Variants in MAP3K20 observed in about 807,000 individuals in gnomAD.
MAP3K20 encodes HCCS-4.
A neutral mutation model predicts 85.7 loss-of-function variants in MAP3K20; 40 were observed. The ratio of observed to expected loss-of-function variants is 0.47; its 90% CI spans 0.36 to 0.61. MAP3K20 has a LOEUF of 0.61. Among genes scored for constraint, MAP3K20 ranks in the 20% least tolerant of loss-of-function variants. The pLI is 0.00. For synonymous variants in MAP3K20, 325 were observed against 327.7 expected (o/e 0.99, Z 0.09); for missense variants, 817 against 961.7 (o/e 0.85, Z 1.99).
intron 2 of MAP3K20, among the ~76,000 whole-genome samples, chr2:173,168,479 G>A (rs1423649872): frequency 2.6e-5 from 4 of 151,946 alleles, no homozygotes; most frequent in Non-Finnish European, 5.9e-5. Context: ...AACCAGTTTC[G>A]CAGCTGTTTT....
intron 1 of MAP3K20, among the ~76,000 whole-genome samples, chr2:173,076,264 G>A: frequency 6.6e-6 from 1 of 151,964 alleles, no homozygotes; most frequent in East Asian, 1.9e-4. Flanking sequence ...GCCGCCAAGT[G>A]CGGTTCGGGA....
chr2:173,142,151 A>C (rs1405574418), intron 2 of MAP3K20, among the ~76,000 whole-genome samples: 1 of 152,216 alleles, frequency 6.6e-6, no homozygotes, highest in East Asian at 1.9e-4. Context: ...GTGTTATATT[A>C]TGGGTTGTAT....
At chr2:173,217,525 C>T (rs1041173775) in intron 11 of MAP3K20, among the ~76,000 whole-genome samples, 4 of 152,202 alleles carry the variant, frequency 2.6e-5, no homozygotes, top group Admixed American at 2.6e-4. Flanking sequence ...ATTAGAATTA[C>T]AATAATAAAA....
intron 3 of MAP3K20, among the ~76,000 whole-genome samples, chr2:173,177,785 A>C (rs1236477730): frequency 6.6e-6 from 1 of 152,290 alleles, no homozygotes; most frequent in East Asian, 1.9e-4. Context: ...AAAATGTAAC[A>C]TATCAAAATT....
chr2:173,193,312 T>C (rs78725856), intron 7 of MAP3K20, among the ~76,000 whole-genome samples: 2,538 of 152,256 alleles, frequency 0.017, 70 homozygotes, highest in African/African-American at 0.058. Flanking sequence ...CACTTATGAG[T>C]CCACACACAT....
intron 9 of MAP3K20, 45 bp downstream of exon 9, chr2:173,203,915 T>G: frequency 6.4e-7 from 1 of 1,557,274 alleles, no homozygotes; most frequent in Non-Finnish European, 8.8e-7. Flanking sequence ...CTGAAATTTC[T>G]CTTGTTTGGC....
chr2:173,152,386 G>C (rs1186598419), intron 2 of MAP3K20, among the ~76,000 whole-genome samples: 1 of 152,178 alleles, frequency 6.6e-6, no homozygotes, highest in Non-Finnish European at 1.5e-5. Flanking sequence ...CATGGGAAGA[G>C]TTCTACCTGG....
chr2:173,266,759 A>G lies in MAP3K20; in HGVS notation c.*9A>G, dbSNP rs1026092920. 1 of 1,438,376 alleles carries G rather than the reference A, an allele frequency of 7.0e-7. No individual in the cohort carries two copies. The highest frequency in any genetic ancestry group is 1.4e-5 in the African/African-American group (1 of 69,490). 89.1% of individuals were successfully genotyped at this position (1,438,376 alleles called of 1,614,324 possible). A position where few individuals can be genotyped will look rare whatever the true frequency, so the allele number is the denominator to read the frequency against. ...GATGGAGAAACTTTTGATGAATTGA[A>G]CTACATAGCTTTTCTAAGCAGGTTA... On this transcript the variant is annotated 3_prime_UTR_variant, in exon 20 of 20. Coordinates refer to ENST00000375213, the MANE Select transcript of MAP3K20 (RefSeq NM_016653.3).
intron 2 of MAP3K20, among the ~76,000 whole-genome samples, chr2:173,112,978 T>G (rs1354612110): frequency 6.6e-6 from 1 of 152,110 alleles, no homozygotes; most frequent in East Asian, 1.9e-4. Context: ...TGTGGAATAG[T>G]GGTCAAAAGG....
intron 10 of MAP3K20, among the ~76,000 whole-genome samples, chr2:173,215,005 T>C (rs1439977): frequency 0.56 from 84,896 of 151,990 alleles, 25,278 homozygotes; most frequent in Non-Finnish European, 0.68. Flanking sequence ...GAGATTTACT[T>C]GGTGTTTGTT....
At chr2:173,221,081 AT>A in intron 11 of MAP3K20, 3 of 1,339,632 alleles carry the variant, frequency 2.2e-6, no homozygotes, top group Non-Finnish European at 2.9e-6. Flanking sequence ...ATTTTGTGGT[AT>A]CTATTTTCCT....
At position 173,266,037 on chromosome 2, in the gene MAP3K20, A is replaced by G. The variant is rs946545215; in HGVS notation, c.1703-13A>G. Reference sequence around the variant, plus strand: ...TGTGGCTTAAAAGATGCTCATTTCCATTTCTCCCGCAGGTGCTGATTGCCA... The same window carrying G: ...TGTGGCTTAAAAGATGCTCATTTCCGTTTCTCCCGCAGGTGCTGATTGCCA... On this transcript the variant is annotated splice_polypyrimidine_tract_variant and intron_variant, in intron 19 of 19. Coordinates refer to ENST00000375213, the MANE Select transcript of MAP3K20 (RefSeq NM_016653.3). 4 of 1,549,200 alleles carry G rather than the reference A, an allele frequency of 2.6e-6. No individual in the cohort carries two copies. The highest frequency in any genetic ancestry group is 1.2e-5 in the South Asian group (1 of 84,416).
intron 19 of MAP3K20, among the ~76,000 whole-genome samples, chr2:173,265,293 G>C (rs768847742): frequency 2.0e-5 from 3 of 152,224 alleles, no homozygotes; most frequent in Non-Finnish European, 4.4e-5. Context: ...GTTCAGGCTC[G>C]GGGGAAAACA....
intron 2 of MAP3K20, among the ~76,000 whole-genome samples, chr2:173,137,201 A>C (rs1441648929): frequency 6.6e-6 from 1 of 152,200 alleles, no homozygotes; most frequent in African/African-American, 2.4e-5. Context: ...AAAATGGTTA[A>C]ATGTCACAAT....
intron 1 of MAP3K20, among the ~76,000 whole-genome samples, chr2:173,084,286 G>C (rs1037289357): frequency 6.6e-6 from 1 of 151,986 alleles, no homozygotes; most frequent in Non-Finnish European, 1.5e-5. Context: ...TGGGTTAGAC[G>C]TGCAATTGAC....
intron 18 of MAP3K20, among the ~76,000 whole-genome samples, chr2:173,262,075 A>G (rs932906988): frequency 6.6e-6 from 1 of 152,164 alleles, no homozygotes; most frequent in African/African-American, 2.4e-5. Context: ...GATAGGAAGA[A>G]TAGGCTCAGA....
At position 173,261,086 on chromosome 2, in the gene MAP3K20, G is replaced by A; in HGVS notation, c.1500G>A (p.Trp500Ter). The A allele has an allele frequency of 1.2e-6, 2 of 1,613,668 alleles. No homozygotes were observed. The highest frequency in any genetic ancestry group is 8.5e-7 in the Non-Finnish European group (1 of 1,179,648). ...AGCCACCATTTGTAATGGAGAAGTG[G>A]ATTGTAGGAATAGCAAAAAGTCAGA... ...MTKPPFVMEK[W>*]IVGIAKSQTV... The change falls in exon 18 of 20, where the codon TGG becomes TGA. Residue 500 changes from tryptophan to a stop codon, truncating the protein, a stop_gained. Coordinates refer to ENST00000375213, the MANE Select transcript of MAP3K20 (RefSeq NM_016653.3). LOFTEE classifies it high-confidence loss of function.
intron 5 of MAP3K20, among the ~76,000 whole-genome samples, chr2:173,188,729 T>C (rs77218413): frequency 1.1e-3 from 168 of 152,308 alleles, no homozygotes; most frequent in African/African-American, 3.9e-3. Flanking sequence ...TTTCCTCTTC[T>C]AGGTTATCAT....
intron 7 of MAP3K20, among the ~76,000 whole-genome samples, chr2:173,194,929 T>TAACC: frequency 6.6e-6 from 1 of 152,224 alleles, no homozygotes; most frequent in Non-Finnish European, 1.5e-5. Context: ...CAAGACTCAC[T>TAACC]AACCTTGTAC....
Sources: allele counts gnomAD v4.1 joint callset (sites outside exome capture counted in the v4.1 genomes callset), GRCh38; gene constraint gnomAD v4.1.1; transcripts MANE v1.5; gene names NCBI Gene and HGNC (gene_info 2026-07-23, HGNC 2026-07-21).